CCDC60: variants seen among roughly 807,000 people sequenced by gnomAD.
CCDC60 encodes coiled-coil domain containing 60.
Under a neutral mutation model 63.5 loss-of-function variants are expected in CCDC60, and 54 were observed. The observed-to-expected ratio is 0.85, with a 90% CI of 0.68 to 1.07. The LOEUF (loss-of-function observed/expected upper bound fraction) is 1.07, where lower values mean the gene tolerates loss of function less well. Ranked by LOEUF, CCDC60 falls within the 50% of genes least tolerant of loss-of-function variation. The pLI, the probability that CCDC60 is intolerant of heterozygous loss-of-function variation, is 0.00. For missense variants in CCDC60, 651 were observed against 684.3 expected (o/e 0.95, Z 0.54); for synonymous variants, 206 against 238.8 (o/e 0.86, Z 1.27).
chr12:119,383,963 G>A (rs946938463), intron 1 of CCDC60, among the ~76,000 whole-genome samples: 16 of 152,202 alleles, frequency 1.1e-4, no homozygotes, highest in African/African-American at 3.9e-4. Flanking sequence ...TTGAGAGGCC[G>A]AGGCGGGCGG....
chr12:119,362,051 G>T (rs1022935730), intron 1 of CCDC60, among the ~76,000 whole-genome samples: 1 of 152,038 alleles, frequency 6.6e-6, no homozygotes, highest in Non-Finnish European at 1.5e-5. Context: ...GATTGTCCTG[G>T]ACAAACACAT....
At chr12:119,435,748 C>T (rs764445480) in intron 2 of CCDC60, among the ~76,000 whole-genome samples, 14 of 152,114 alleles carry the variant, frequency 9.2e-5, no homozygotes, top group Non-Finnish European at 1.8e-4. Context: ...AACAAACTAC[C>T]CCCAAAACTC....
At chr12:119,473,134 G>A (rs987966112) in intron 3 of CCDC60, among the ~76,000 whole-genome samples, 7 of 152,210 alleles carry the variant, frequency 4.6e-5, no homozygotes, top group Non-Finnish European at 8.8e-5. Flanking sequence ...CCCAAGGTCA[G>A]TAGTTAGAAA....
intron 1 of CCDC60, among the ~76,000 whole-genome samples, chr12:119,399,031 T>C (rs1296177178): frequency 6.6e-6 from 1 of 152,184 alleles, no homozygotes. Context: ...CACACAGTGA[T>C]GACAGTGACC....
chr12:119,423,259 A>C (rs1956845292), intron 1 of CCDC60, among the ~76,000 whole-genome samples: 1 of 152,206 alleles, frequency 6.6e-6, no homozygotes, highest in Admixed American at 6.5e-5. Flanking sequence ...CTCAGGCATA[A>C]GATCAAAAGG....
intron 4 of CCDC60, among the ~76,000 whole-genome samples, chr12:119,483,705 G>C (rs1418743684): frequency 6.6e-6 from 1 of 152,214 alleles, no homozygotes; most frequent in South Asian, 2.1e-4. Context: ...AGTTTTAATA[G>C]AGTGAGCTAT....
At chr12:119,365,346 A>C (rs780799578) in intron 1 of CCDC60, among the ~76,000 whole-genome samples, 43 of 152,256 alleles carry the variant, frequency 2.8e-4, no homozygotes, top group Non-Finnish European at 4.8e-4. Context: ...TATTGAATGA[A>C]TAAATATCCA....
At chr12:119,463,085 A>G (rs1950888735) in intron 2 of CCDC60, among the ~76,000 whole-genome samples, 1 of 152,110 alleles carries the variant, frequency 6.6e-6, no homozygotes, top group Non-Finnish European at 1.5e-5. Flanking sequence ...TGGCCTCCCA[A>G]AGTGCTGGGA....
chr12:119,422,560 G>A (rs1284164978), intron 1 of CCDC60, among the ~76,000 whole-genome samples: 1 of 152,100 alleles, frequency 6.6e-6, no homozygotes, highest in Non-Finnish European at 1.5e-5. Context: ...TGGGGGAGGT[G>A]CCACAAACTT....
At position 119,356,175 on chromosome 12, in the gene CCDC60, T is replaced by G. The variant is rs1401205300; in HGVS notation, c.90+20909T>G. 3.3e-5 allele frequency among the ~76,000 whole-genome samples: 5 copies of G among 152,352 alleles called. No homozygotes were observed. The South Asian group carries it at 6.2e-4, about 19-fold the overall frequency. On this transcript the variant is annotated intron_variant, in intron 1 of 13. Coordinates refer to ENST00000327554, the MANE Select transcript of CCDC60 (RefSeq NM_178499.5). ...ATTGTTCTTTTTAAGTTTCCACTCA[T>G]TCTTAACTTTAGATTTTCTGGATAA...
At chr12:119,494,714 C>T (rs1951680460) in intron 5 of CCDC60, among the ~76,000 whole-genome samples, 1 of 152,188 alleles carries the variant, frequency 6.6e-6, no homozygotes, top group Non-Finnish European at 1.5e-5. Flanking sequence ...GGCGTGGTGG[C>T]TCATGCCTGT....
chr12:119,338,939 A>G (rs1021085888), intron 1 of CCDC60, among the ~76,000 whole-genome samples: 3 of 152,216 alleles, frequency 2.0e-5, no homozygotes, highest in African/African-American at 7.2e-5. Context: ...AGGGTTGGAC[A>G]TTGCTATATC....
intron 7 of CCDC60, among the ~76,000 whole-genome samples, chr12:119,507,551 C>T (rs1342821195): frequency 1.5e-5 from 1 of 68,846 alleles, no homozygotes; most frequent in Non-Finnish European, 2.3e-5. Context: ...CATATATATA[C>T]ATATATATAT....
At chr12:119,532,527 C>T (rs1383665754) in intron 13 of CCDC60, among the ~76,000 whole-genome samples, 1 of 151,696 alleles carries the variant, frequency 6.6e-6, no homozygotes, top group Non-Finnish European at 1.5e-5. Flanking sequence ...CCCATCAACC[C>T]ATCATCTACA....
rs1304955744 is a variant in CCDC60, at chr12:119,456,052, AAAGAAAGAAAGCAAGC to A, written c.171-15938_171-15923del. Among the ~76,000 whole-genome samples, 1,023 of 114,012 alleles carry A rather than the reference AAAGAAAGAAAGCAAGC, an allele frequency of 9.0e-3. 34 individuals are homozygous for A. Among genetic ancestry groups the A allele is most frequent in the East Asian group, 0.051 (112 of 2,180 alleles). The allele number at this position is 114,012 out of a possible 152,430, so 74.8% of individuals were successfully genotyped here. On this transcript the variant is annotated intron_variant, in intron 2 of 13. Transcript: ENST00000327554. This position sits in a 1 kb window ranked among gnomAD's most constrained non-coding sequence, Gnocchi z 4.6. ...GAAAGAAAGAAAGAAAGAAAGAAAGAAAGAAAGAAAGCAAGCAAGCATGTGCAATTTCAAGGGGGTA... is the reference window on the plus strand; with the variant it reads ...GAAAGAAAGAAAGAAAGAAAGAAAGAAAGCATGTGCAATTTCAAGGGGGTA...
At chr12:119,353,081 AG>A (rs2136155422) in intron 1 of CCDC60, among the ~76,000 whole-genome samples, 1 of 152,138 alleles carries the variant, frequency 6.6e-6, no homozygotes, top group East Asian at 1.9e-4. Flanking sequence ...AGTGGGGGTG[AG>A]GGGGTTATGA....
intron 1 of CCDC60, among the ~76,000 whole-genome samples, chr12:119,426,698 A>C (rs1956908344): frequency 6.6e-6 from 1 of 152,130 alleles, no homozygotes. Flanking sequence ...GCAGTTACAA[A>C]TACTTTGTAG....
At chr12:119,392,853 G>A (rs1415112782) in intron 1 of CCDC60, among the ~76,000 whole-genome samples, 4 of 152,122 alleles carry the variant, frequency 2.6e-5, no homozygotes, top group African/African-American at 7.2e-5. Context: ...TGAGGTGCAA[G>A]TACTATATAA....
Position 119,410,676 on chromosome 12 carries a change from C to A in CCDC60, c.91-18007C>A, listed in dbSNP as rs1188689452. Reference sequence around the variant, plus strand: ...ACCTATAGGGCAGAAAAAGTAAAACCCTTTACCTCACCCATCACAGTTCTT... The same window carrying A: ...ACCTATAGGGCAGAAAAAGTAAAACACTTTACCTCACCCATCACAGTTCTT... On this transcript the variant is annotated intron_variant, in intron 1 of 13. Coordinates refer to ENST00000327554, the MANE Select transcript of CCDC60 (RefSeq NM_178499.5). This position sits in a 1 kb window ranked among gnomAD's most constrained non-coding sequence, Gnocchi z 4.0. Among the ~76,000 whole-genome samples the A allele has an allele frequency of 6.6e-6, 1 of 152,156 alleles. No individual in the cohort carries two copies. Among genetic ancestry groups the A allele is most frequent in the African/African-American group, 2.4e-5 (1 of 41,424 alleles).
Sources: gnomAD v4.1 joint callset for allele counts (sites outside exome capture counted in the v4.1 genomes callset) on GRCh38, gnomAD v4.1.1 for gene constraint, Gnocchi (gnomAD v3.1) non-coding constraint, MANE v1.5 for transcripts, NCBI Gene and HGNC (gene_info 2026-07-23, HGNC 2026-07-21) for gene names.